Variants in ZC2HC1B observed in about 807,000 individuals in gnomAD.
ZC2HC1B encodes zinc finger C2HC-type containing 1B, also known as zinc finger C2HC domain-containing protein 1B.
ZC2HC1B carries 36 observed loss-of-function variants against 31.0 expected under a neutral mutation model. The observed-to-expected ratio is 1.16, with a 90% CI of 0.89 to 1.54. The LOEUF (loss-of-function observed/expected upper bound fraction) is 1.54. ZC2HC1B is among the 40% of genes most tolerant of loss of function. The pLI, the probability that ZC2HC1B is intolerant of heterozygous loss-of-function variation, is 0.00. For synonymous variants in ZC2HC1B, 73 were observed against 88.0 expected (o/e 0.83, Z 0.95); for missense variants, 260 against 268.6 (o/e 0.97, Z 0.22).
At chr6:143,928,312 GTTCA>G (rs1778074783) in intron 6 of ZC2HC1B, among the ~76,000 whole-genome samples, 1 of 152,094 alleles carries the variant, frequency 6.6e-6, no homozygotes, top group African/African-American at 2.4e-5. Flanking sequence ...GATAAATCCA[GTTCA>G]TTCTTTTGCA....
chr6:143,907,565 G>A (rs1469170400), intron 6 of ZC2HC1B, among the ~76,000 whole-genome samples: 4 of 152,184 alleles, frequency 2.6e-5, no homozygotes, highest in African/African-American at 9.7e-5. Context: ...TTTGTTGGCT[G>A]CATGTATGTC....
rs1777321228 is a variant in ZC2HC1B at position 143,870,332 on chromosome 6, T to C, written c.28+5765T>C. 6.6e-6 allele frequency among the ~76,000 whole-genome samples: 1 copy of C among 152,196 alleles called. No homozygotes were observed. The highest frequency in any genetic ancestry group is 1.5e-5 in the Non-Finnish European group (1 of 68,028). On this transcript the variant is annotated intron_variant, in intron 1 of 7. Transcript: ENST00000237275. The surrounding 1 kb of genome is among the most constrained non-coding windows in gnomAD (Gnocchi z 4.7). ...ACTTTTGGGTGGTGCCTCCATATTG[T>C]GCAGAACCATCTGTGAACCGGGCTC...
In ZC2HC1B at chr6:143,922,051, A is replaced by G. The variant is rs1424271722; in HGVS notation, c.599-15598A>G. Among the ~76,000 whole-genome samples the G allele has an allele frequency of 6.6e-6, 1 of 152,218 alleles. No homozygotes were observed. Among genetic ancestry groups the G allele is most frequent in the Non-Finnish European group, 1.5e-5 (1 of 68,044 alleles). ...GCATACTGGGTGAAGGTGAATCTCT[A>G]AAGTGTTTAAGGACTTGGAGAAAAG... On this transcript the variant is annotated intron_variant, in intron 6 of 7. Transcript: ENST00000237275. The surrounding 1 kb of genome is among the most constrained non-coding windows in gnomAD (Gnocchi z 5.0).
chr6:143,886,526 T>C lies in ZC2HC1B; in HGVS notation c.211-157T>C, dbSNP rs1747652130. 6.6e-6 allele frequency among the ~76,000 whole-genome samples: 1 copy of C among 152,330 alleles called. No individual in the cohort carries two copies. Among genetic ancestry groups the C allele is most frequent in the East Asian group, 1.9e-4 (1 of 5,194 alleles). On this transcript the variant is annotated intron_variant, in intron 3 of 7. Transcript: ENST00000237275. The surrounding 1 kb of genome is among the most constrained non-coding windows in gnomAD (Gnocchi z 4.2). The stretch of plus-strand genomic sequence containing the variant: ...GCTTGCAAATTATATTACTGTACTT[T>C]CCAAACCTCTTTAAGGAGTACTTTT...
intron 1 of ZC2HC1B, among the ~76,000 whole-genome samples, chr6:143,866,411 T>A (rs1777262975): frequency 6.6e-6 from 1 of 152,254 alleles, no homozygotes; most frequent in Non-Finnish European, 1.5e-5. Context: ...CATGGCTGAC[T>A]GGGAGCAGTG....
At position 143,870,810 on chromosome 6, in the gene ZC2HC1B, A is replaced by C. The variant is rs1204678250; in HGVS notation, c.28+6243A>C. Among the ~76,000 whole-genome samples the C allele has an allele frequency of 1.3e-5, 2 of 152,204 alleles. No homozygotes were observed. The highest frequency in any genetic ancestry group is 1.3e-4 in the Admixed American group (2 of 15,280). Reference sequence around the variant, plus strand: ...GCCAAAGGCTCCAAACAGCATCGCCATCTGCCACTGACACCTCAAGTACCA... The same window carrying C: ...GCCAAAGGCTCCAAACAGCATCGCCCTCTGCCACTGACACCTCAAGTACCA... On this transcript the variant is annotated intron_variant, in intron 1 of 7. Transcript: ENST00000237275. This position sits in a 1 kb window ranked among gnomAD's most constrained non-coding sequence, Gnocchi z 4.7.
intron 6 of ZC2HC1B, among the ~76,000 whole-genome samples, chr6:143,916,778 G>A (rs1021570708): frequency 6.6e-6 from 1 of 152,202 alleles, no homozygotes; most frequent in South Asian, 2.1e-4. Flanking sequence ...ATTTGGAATG[G>A]CTGTATTTAC....
intron 4 of ZC2HC1B, among the ~76,000 whole-genome samples, chr6:143,892,233 C>T (rs1172753906): frequency 6.6e-6 from 1 of 151,378 alleles, no homozygotes; most frequent in Non-Finnish European, 1.5e-5. Flanking sequence ...GGGGAGCAGG[C>T]ATCACATGTC....
chr6:143,911,005 G>A lies in ZC2HC1B; in HGVS notation c.598+7853G>A, dbSNP rs528850774. 2.7e-4 allele frequency among the ~76,000 whole-genome samples: 41 copies of A among 152,196 alleles called. No homozygotes were observed. The highest frequency in any genetic ancestry group is 7.5e-4 in the African/African-American group (31 of 41,532). ...TAATCTCAGGTTATTCACCTGCCTC[G>A]GCCTCCCAAAGTGCTAGGATTACAG... is the stretch of plus-strand genomic sequence containing the variant. On this transcript the variant is annotated intron_variant, in intron 6 of 7. Transcript: ENST00000237275. This position sits in a 1 kb window ranked among gnomAD's most constrained non-coding sequence, Gnocchi z 4.5.
At chr6:143,926,583 C>A (rs890912070) in intron 6 of ZC2HC1B, among the ~76,000 whole-genome samples, 43 of 152,070 alleles carry the variant, frequency 2.8e-4, no homozygotes, top group African/African-American at 1.0e-3. Context: ...AATGTATATT[C>A]TGTTGCTATT....
At chr6:143,888,647 T>A (rs1184334344) in intron 4 of ZC2HC1B, among the ~76,000 whole-genome samples, 1 of 152,062 alleles carries the variant, frequency 6.6e-6, no homozygotes, top group African/African-American at 2.4e-5. Flanking sequence ...TTATTCATTT[T>A]GACATTATTA....
rs996544789 is a variant in ZC2HC1B, at chr6:143,869,422, G to A, written c.28+4855G>A. On this transcript the variant is annotated intron_variant, in intron 1 of 7. Transcript: ENST00000237275. The surrounding 1 kb of genome is among the most constrained non-coding windows in gnomAD (Gnocchi z 5.2). ...GCTTCAGGATGATGAAGAACATGGTGAGACCAGTGAATTCCATGAGCATGC... is the reference window on the plus strand; with the variant it reads ...GCTTCAGGATGATGAAGAACATGGTAAGACCAGTGAATTCCATGAGCATGC... 4.6e-5 allele frequency among the ~76,000 whole-genome samples: 7 copies of A among 152,208 alleles called. No homozygotes were observed. The highest frequency in any genetic ancestry group is 1.4e-4 in the African/African-American group (6 of 41,454).
At chr6:143,873,709 C>T (rs773146264) in intron 1 of ZC2HC1B, among the ~76,000 whole-genome samples, 1 of 152,264 alleles carries the variant, frequency 6.6e-6, no homozygotes, top group Non-Finnish European at 1.5e-5. Flanking sequence ...CCGAGCTGTA[C>T]ATTGGCCCCA....
chr6:143,937,570 G>A (rs1022693664), intron 6 of ZC2HC1B, 79 bp from the exon 7 acceptor site: 2 of 1,280,818 alleles, frequency 1.6e-6, no homozygotes, highest in Non-Finnish European at 2.1e-6. Flanking sequence ...GAACCCATGT[G>A]GGGATTTCAC....
intron 4 of ZC2HC1B, among the ~76,000 whole-genome samples, chr6:143,888,710 A>C (rs1459716524): frequency 6.6e-6 from 1 of 152,044 alleles, no homozygotes; most frequent in African/African-American, 2.4e-5. Context: ...GTGTATAAAA[A>C]TATAATGGAT....
At chr6:143,902,871 C>G (rs1432099654) in intron 5 of ZC2HC1B, among the ~76,000 whole-genome samples, 173 bp from the exon 6 acceptor site, 2 of 152,148 alleles carry the variant, frequency 1.3e-5, no homozygotes, top group East Asian at 3.9e-4. Context: ...GGACAAGAAC[C>G]AGGCTAACTG....
intron 5 of ZC2HC1B, among the ~76,000 whole-genome samples, chr6:143,900,443 G>A (rs575972436): frequency 4.0e-5 from 6 of 151,340 alleles, no homozygotes; most frequent in African/African-American, 1.5e-4. Context: ...GGACAGGCAA[G>A]ACAGGCAGAC....
At chr6:143,896,870 G>T (rs555577339) in intron 4 of ZC2HC1B, among the ~76,000 whole-genome samples, 2 of 151,846 alleles carry the variant, frequency 1.3e-5, no homozygotes, top group Admixed American at 6.6e-5. Flanking sequence ...ATTTATCTCC[G>T]TGTGAAATTT....
rs113361915 is a variant in ZC2HC1B at position 143,872,666 on chromosome 6, A to G, written c.28+8099A>G. ...GCTGGGGAGGCCTCAGAATCATGGC[A>G]GAAGGCAAAAGGCACTACTTACATG... is the stretch of plus-strand genomic sequence containing the variant. On this transcript the variant is annotated intron_variant, in intron 1 of 7. Transcript: ENST00000237275. The surrounding 1 kb of genome is among the most constrained non-coding windows in gnomAD (Gnocchi z 5.5). 1.1e-4 allele frequency among the ~76,000 whole-genome samples: 16 copies of G among 152,350 alleles called. No individual in the cohort carries two copies. The highest frequency in any genetic ancestry group is 3.6e-4 in the African/African-American group (15 of 41,582).
Sources: allele counts gnomAD v4.1 joint callset (sites outside exome capture counted in the v4.1 genomes callset), GRCh38; gene constraint gnomAD v4.1.1; non-coding constraint Gnocchi (gnomAD v3.1); transcripts MANE v1.5; gene names NCBI Gene and HGNC (gene_info 2026-07-23, HGNC 2026-07-21).